Variants in SLC24A2 observed in about 807,000 individuals in gnomAD.
The protein encoded by SLC24A2 is sodium/potassium/calcium exchanger 2.
A neutral mutation model predicts 62.0 loss-of-function variants in SLC24A2; 36 were observed. That is an observed-to-expected ratio of 0.58 (90% CI 0.44 to 0.77). The LOEUF is 0.77. SLC24A2 is among the 30% of genes least tolerant of loss of function. The pLI is 0.00. For synonymous variants in SLC24A2, 358 were observed against 294.0 expected, an observed-to-expected ratio of 1.22 and a Z score of -2.23; for missense variants, 846 against 817.9, an observed-to-expected ratio of 1.03 and a Z score of -0.42.
At chr9:20,296,212 T>C in the SLC24A2 span, among the ~76,000 whole-genome samples, 1 of 152,224 alleles carries the variant, frequency 6.6e-6, no homozygotes, top group Non-Finnish European at 1.5e-5. Flanking sequence ...ACAACTATTC[T>C]CCAAATAAAA....
intron 2 of SLC24A2, among the ~76,000 whole-genome samples, chr9:19,775,263 C>A (rs1822812080): frequency 6.6e-6 from 1 of 152,240 alleles, no homozygotes; most frequent in South Asian, 2.1e-4. Flanking sequence ...AATGCAGCTT[C>A]TTGTCTAGAT....
intron 2 of SLC24A2, among the ~76,000 whole-genome samples, chr9:19,695,679 C>CAAAAAA (rs66668393): frequency 1.4e-5 from 1 of 73,536 alleles, no homozygotes; most frequent in Non-Finnish European, 2.4e-5. Context: ...TTGTTAGTAG[C>CAAAAAA]AAAAAAAAAA....
chr9:19,741,736 T>C lies in SLC24A2; in HGVS notation c.930+44201A>G, dbSNP rs75655870. 1.7e-3 allele frequency among the ~76,000 whole-genome samples: 265 copies of C among 152,250 alleles called. 1 individual carries two copies. The highest frequency in any genetic ancestry group is 6.0e-3 in the African/African-American group (251 of 41,556). On this transcript the variant is annotated intron_variant, in intron 2 of 10. Transcript: ENST00000341998. ...TCTTGACTGACACAACCTCCAAGAGTTATATACTCTGTCCTTGCTGCCTGT... is the reference window on the plus strand; with the variant it reads ...TCTTGACTGACACAACCTCCAAGAGCTATATACTCTGTCCTTGCTGCCTGT...
At chr9:19,717,756 T>A (rs1820900330) in intron 2 of SLC24A2, among the ~76,000 whole-genome samples, 1 of 152,170 alleles carries the variant, frequency 6.6e-6, no homozygotes, top group African/African-American at 2.4e-5. Context: ...CACCTTCTCC[T>A]CTTTTTGCTA....
the SLC24A2 span, among the ~76,000 whole-genome samples, chr9:19,820,026 C>CACATATATATAT: frequency 1.3e-3 from 46 of 34,210 alleles, 2 homozygotes; most frequent in Non-Finnish European, 3.5e-3. Flanking sequence ...TATATATATA[C>CACATATATATAT]ACATATATAT....
At chr9:19,588,868 G>A (rs1836458001) in intron 5 of SLC24A2, among the ~76,000 whole-genome samples, 1 of 152,198 alleles carries the variant, frequency 6.6e-6, no homozygotes, top group African/African-American at 2.4e-5. Flanking sequence ...GGCTGAGGCA[G>A]GAGAATCGCT....
chr9:20,046,574 A>C, the SLC24A2 span, among the ~76,000 whole-genome samples: 5 of 152,222 alleles, frequency 3.3e-5, no homozygotes, highest in African/African-American at 1.2e-4. Flanking sequence ...TGGTTACTAC[A>C]GCTTGAGTGT....
chr9:20,187,809 C>A, the SLC24A2 span, among the ~76,000 whole-genome samples: 7 of 152,188 alleles, frequency 4.6e-5, no homozygotes, highest in East Asian at 5.8e-4. Context: ...TGGTCAGTCT[C>A]CCCTAGACCC....
intron 4 of SLC24A2, among the ~76,000 whole-genome samples, chr9:19,600,252 C>T (rs1836808179): frequency 6.6e-6 from 1 of 152,230 alleles, no homozygotes; most frequent in Non-Finnish European, 1.5e-5. Flanking sequence ...ATCACACTTG[C>T]TTTCATGCCA....
rs1283752723 is a variant in SLC24A2 at position 19,619,211 on chromosome 9, C to CA, written c.1078+372dup. The stretch of plus-strand genomic sequence containing the variant: ...CTTTTTCTCTCTTTTTTAAGGTGCA[C>CA]AATTTATCTTCACACACAATTTTGT... On this transcript the variant is annotated intron_variant, in intron 4 of 10. Transcript: ENST00000341998. 5.3e-5 allele frequency among the ~76,000 whole-genome samples: 8 copies of CA among 152,274 alleles called. No homozygotes were observed. The East Asian group carries it at 1.5e-3, about 29-fold the overall frequency.
At chr9:19,809,001 T>C in the SLC24A2 span, among the ~76,000 whole-genome samples, 1 of 152,210 alleles carries the variant, frequency 6.6e-6, no homozygotes, top group Non-Finnish European at 1.5e-5. Context: ...GGCCCCAATC[T>C]CCAAAGATTG....
the SLC24A2 span, among the ~76,000 whole-genome samples, chr9:20,135,723 G>T: frequency 2.0e-5 from 3 of 151,948 alleles, no homozygotes; most frequent in African/African-American, 7.3e-5. Flanking sequence ...AACTAGTTTT[G>T]CTTATTTTTT....
At chr9:19,693,375 G>A (rs1820096914) in intron 2 of SLC24A2, among the ~76,000 whole-genome samples, 1 of 152,072 alleles carries the variant, frequency 6.6e-6, no homozygotes, top group African/African-American at 2.4e-5. Context: ...TGTTGGCAAA[G>A]GATTTGGTCC....
rs550919561 is a variant in SLC24A2, at chr9:19,565,946, C to T, written c.1347+7405G>A. On this transcript the variant is annotated intron_variant, in intron 7 of 10. Coordinates refer to ENST00000341998, the MANE Select transcript of SLC24A2 (RefSeq NM_020344.4). ...GCTGAAACTGGATCCCTTCCTTACA[C>T]CTTATACAAAAATTAATTCAAGATG... Among the ~76,000 whole-genome samples, 18 of 150,864 alleles carry T rather than the reference C, an allele frequency of 1.2e-4. 1 individual carries two copies. The highest frequency in any genetic ancestry group is 4.5e-4 in the African/African-American group (18 of 40,268).
the SLC24A2 span, among the ~76,000 whole-genome samples, chr9:19,934,891 T>C: frequency 6.6e-6 from 1 of 151,844 alleles, no homozygotes; most frequent in African/African-American, 2.4e-5. The surrounding 1 kb of genome is among the most constrained non-coding windows in gnomAD (Gnocchi z 4.1). Context: ...AGATTTTAAA[T>C]TGGAGTTTTG....
the SLC24A2 span, among the ~76,000 whole-genome samples, chr9:20,057,947 A>G: frequency 6.6e-6 from 1 of 152,102 alleles, no homozygotes; most frequent in African/African-American, 2.4e-5. Context: ...TTCCCATGTT[A>G]TTTTCCATTG....
chr9:19,833,862 C>G, the SLC24A2 span, among the ~76,000 whole-genome samples: 1 of 152,244 alleles, frequency 6.6e-6, no homozygotes, highest in Non-Finnish European at 1.5e-5. Context: ...TGTCCGGGTA[C>G]TCCTCTGAGA....
chr9:19,894,881 C>T, the SLC24A2 span, among the ~76,000 whole-genome samples: 2 of 152,090 alleles, frequency 1.3e-5, no homozygotes, highest in African/African-American at 2.4e-5. Context: ...TGATGACCAC[C>T]GAACTTAGAA....
the SLC24A2 span, among the ~76,000 whole-genome samples, chr9:20,181,386 T>A: frequency 6.6e-6 from 1 of 152,140 alleles, no homozygotes; most frequent in Non-Finnish European, 1.5e-5. Flanking sequence ...CTTCAAACTA[T>A]GCTACAGGGT....
Sources: gnomAD v4.1 joint callset for allele counts (sites outside exome capture counted in the v4.1 genomes callset) on GRCh38, gnomAD v4.1.1 for gene constraint, Gnocchi (gnomAD v3.1) non-coding constraint, MANE v1.5 for transcripts, NCBI Gene and HGNC (gene_info 2026-07-23, HGNC 2026-07-21) for gene names.